Variants in FNDC7 observed in about 807,000 individuals in gnomAD.
The protein encoded by FNDC7 is fibronectin type III domain-containing protein 7.
FNDC7 carries 66 observed loss-of-function variants against 74.2 expected under a neutral mutation model. That is an observed-to-expected ratio of 0.89 (90% CI 0.73 to 1.09). The LOEUF is 1.09. Ranked by LOEUF, FNDC7 falls within the 50% of genes least tolerant of loss-of-function variation. The pLI is 0.00. For missense variants in FNDC7, 829 were observed against 893.4 expected, an observed-to-expected ratio of 0.93 and a Z score of 0.92; for synonymous variants, 307 against 330.2, an observed-to-expected ratio of 0.93 and a Z score of 0.76.
At chr1:108,736,963 C>T (rs200561808) in intron 10 of FNDC7, among the ~76,000 whole-genome samples, 106 of 99,342 alleles carry the variant, frequency 1.1e-3, no homozygotes, top group South Asian at 1.4e-3. Flanking sequence ...GCTTGGCATT[C>T]TTTTTTTTTT....
chr1:108,730,361 C>CAA (rs748626022), intron 8 of FNDC7, among the ~76,000 whole-genome samples: 44,996 of 116,890 alleles, frequency 0.38, 8,012 homozygotes, highest in Non-Finnish European at 0.45. Flanking sequence ...ATCTCCTTCT[C>CAA]AAAAAAAAAA....
Position 108,727,871 on chromosome 1 carries a change from G to C in FNDC7, c.1175G>C (p.Trp392Ser). The C allele has an allele frequency of 6.2e-7, 1 of 1,614,136 alleles. No homozygotes were observed. Among genetic ancestry groups the C allele is most frequent in the Non-Finnish European group, 8.5e-7 (1 of 1,180,040 alleles). ...TCCAGTGACAGAGTTGAGATTGTCT[G>C]GTCTCCTGTCCGTGGTGCCGAACTG... ...LVSSDRVEIV[W>S]SPVRGAELYE... The change falls in exon 7 of 13, where the codon TGG (tryptophan) becomes TCG (serine). Residue 392 changes from tryptophan (W) to serine (S), a missense_variant. Physicochemically the swap from Trp to Ser is radical, Grantham distance 177 (BLOSUM62 -3). Coordinates refer to ENST00000370017, the MANE Select transcript of FNDC7 (RefSeq NM_001144937.3).
In FNDC7 at chr1:108,718,000, C is replaced by T; in HGVS notation, c.306C>T (p.Ser102=). 1.3e-6 allele frequency: 2 copies of T among 1,551,716 alleles called. No homozygotes were observed. The highest frequency in any genetic ancestry group is 1.7e-6 in the Non-Finnish European group (2 of 1,146,998). The change falls in exon 3 of 13, where the codon AGC becomes AGT. Residue 102 remains serine, a synonymous_variant. Transcript: ENST00000370017. Reference sequence around the variant, plus strand: ...GATCCATCAGCGCTGCTGGGAGAAGCCAGGCGTCACCTCCAAAGCAGGCAA... The same window carrying T: ...GATCCATCAGCGCTGCTGGGAGAAGTCAGGCGTCACCTCCAAAGCAGGCAA... ...TIRSISAAGR[S]QASPPKQAKT...
At chr1:108,721,557 T>G (rs1048607832) in intron 4 of FNDC7, among the ~76,000 whole-genome samples, 1 of 152,232 alleles carries the variant, frequency 6.6e-6, no homozygotes, top group African/African-American at 2.4e-5. Context: ...TTAAGCAGTT[T>G]CCTAAGGCCT....
intron 10 of FNDC7, among the ~76,000 whole-genome samples, chr1:108,735,405 C>T (rs1005670548): frequency 5.3e-5 from 8 of 152,172 alleles, no homozygotes; most frequent in African/African-American, 1.9e-4. Context: ...CAAAACTTTT[C>T]CATTTCCCCA....
intron 8 of FNDC7, among the ~76,000 whole-genome samples, chr1:108,729,420 G>A (rs1019175865): frequency 6.6e-6 from 1 of 152,144 alleles, no homozygotes; most frequent in African/African-American, 2.4e-5. Flanking sequence ...GGGGTGGTGG[G>A]CACCTATAGT....
At chr1:108,739,924 G>T (rs547013849) in intron 11 of FNDC7, among the ~76,000 whole-genome samples, 1 of 151,032 alleles carries the variant, frequency 6.6e-6, no homozygotes, top group East Asian at 1.9e-4. Flanking sequence ...CACACCTGTA[G>T]TCCCAACTAT....
At chr1:108,719,478 G>C (rs911765473) in intron 4 of FNDC7, among the ~76,000 whole-genome samples, 1 of 152,208 alleles carries the variant, frequency 6.6e-6, no homozygotes, top group East Asian at 1.9e-4. Flanking sequence ...CATTGTTCTA[G>C]AGATACAGCA....
rs200287222 is a variant in FNDC7 at position 108,728,834 on chromosome 1, C to T, written c.1572C>T (p.Ala524=). Residue 524 remains alanine, a synonymous_variant, in exon 8 of 13, where the codon GCC becomes GCT. Transcript: ENST00000370017. ...CAGTGTTCTCTGTCACTGCTGTGGC[C>T]GAAACACAGGCAGGACGGAGCCTGC... ...CGSVFSVTAV[A]ETQAGRSLPS... 72 of 1,614,164 alleles carry T rather than the reference C, an allele frequency of 4.5e-5. No homozygotes were observed. The Admixed American group carries it at 4.8e-4, about 11-fold the overall frequency.
At chr1:108,741,620 G>A (rs1478300058) in intron 11 of FNDC7, among the ~76,000 whole-genome samples, 153 bp from the exon 12 acceptor site, 39 of 152,188 alleles carry the variant, frequency 2.6e-4, no homozygotes, top group Non-Finnish European at 2.6e-4. Flanking sequence ...CACTTTGTCA[G>A]TTGTCATAGT....
At chr1:108,720,559 C>A (rs2101078930) in intron 4 of FNDC7, among the ~76,000 whole-genome samples, 1 of 152,148 alleles carries the variant, frequency 6.6e-6, no homozygotes, top group East Asian at 1.9e-4. Context: ...CTGCTGGAAC[C>A]ACAAACTGGG....
In FNDC7 at chr1:108,717,953, A is replaced by T. The variant is rs767489778; in HGVS notation, c.259A>T (p.Thr87Ser). ...PGTVTGLKAATWYEITIRSIS... is the reference protein window; with the variant it reads ...PGTVTGLKAASWYEITIRSIS... ...CACTGTGACGGGACTAAAGGCTGCA[A>T]CCTGGTATGAAATCACCATCAGATC... Residue 87 changes from threonine (T) to serine (S), a missense_variant, in exon 3 of 13, where the codon ACC (threonine) becomes TCC (serine). Physicochemically the swap from Thr to Ser is moderately conservative, Grantham distance 58 (BLOSUM62 1). Transcript: ENST00000370017. 1 of 1,551,642 alleles carries T rather than the reference A, an allele frequency of 6.4e-7. No individual in the cohort carries two copies. The highest frequency in any genetic ancestry group is 8.7e-7 in the Non-Finnish European group (1 of 1,147,030).
rs1553191832 is a variant in FNDC7, at chr1:108,713,531, T to C, written c.82+2T>C. On this transcript the variant is annotated splice_donor_variant, in intron 2 of 12. Transcript: ENST00000370017. LOFTEE classifies it high-confidence loss of function. ...TTCAGGTTGCTTCAGCAAAATCAGG[T>C]ACAATTTTCTGACCTGCAAGTTTTT... is the stretch of plus-strand genomic sequence containing the variant. The C allele has an allele frequency of 1.3e-6, 2 of 1,546,376 alleles. No homozygotes were observed. The highest frequency in any genetic ancestry group is 1.7e-6 in the Non-Finnish European group (2 of 1,145,646).
intron 2 of FNDC7, among the ~76,000 whole-genome samples, chr1:108,717,449 TTC>T (rs34988228): frequency 0.56 from 84,349 of 151,768 alleles, 25,490 homozygotes; most frequent in East Asian, 0.81. Context: ...CTCTCAATTA[TTC>T]TCTCTCTCTT....
At position 108,717,931 on chromosome 1, in the gene FNDC7, T is replaced by C. The variant is rs1382005520; in HGVS notation, c.237T>C (p.Thr79=). 7 of 1,551,636 alleles carry C rather than the reference T, an allele frequency of 4.5e-6. No individual in the cohort carries two copies. Among genetic ancestry groups the C allele is most frequent in the Non-Finnish European group, 6.1e-6 (7 of 1,147,016 alleles). The change falls in exon 3 of 13, where the codon ACT becomes ACC. Residue 79 remains threonine (T), a synonymous_variant. Transcript: ENST00000370017. ...IETTVANSPG[T]VTGLKAATWY... is the part of the protein sequence containing the mutation. ...CCACGGTGGCCAATTCCCCAGGCACTGTGACGGGACTAAAGGCTGCAACCT... is the reference window on the plus strand; with the variant it reads ...CCACGGTGGCCAATTCCCCAGGCACCGTGACGGGACTAAAGGCTGCAACCT...
At chr1:108,726,996 C>T (rs942598195) in intron 6 of FNDC7, among the ~76,000 whole-genome samples, 4 of 152,142 alleles carry the variant, frequency 2.6e-5, no homozygotes, top group African/African-American at 9.7e-5. Context: ...CTGAGTCAGA[C>T]ATTTGCCAGT....
At chr1:108,714,568 A>G (rs943569256) in intron 2 of FNDC7, among the ~76,000 whole-genome samples, 29 of 150,100 alleles carry the variant, frequency 1.9e-4, no homozygotes, top group African/African-American at 6.4e-4. Context: ...TAGCCAGGAA[A>G]CTATAGGAGG....
In FNDC7 at chr1:108,733,404, C is replaced by T. The variant is rs1432637744; in HGVS notation, c.2012C>T (p.Thr671Ile). The change falls in exon 10 of 13, where the codon ACC (threonine) becomes ATC (isoleucine). Residue 671 changes from threonine (T) to isoleucine (I), a missense_variant. Transcript: ENST00000370017. ...LYGSKGIFTC[T>I]PSAGLSFCDV... ...GGCTCCAAAGGCATTTTCACGTGCA[C>T]CCCGAGTGCTGGCCTCAGTTTCTGT... The T allele has an allele frequency of 6.8e-6, 11 of 1,614,042 alleles. No homozygotes were observed. The highest frequency in any genetic ancestry group is 9.3e-6 in the Non-Finnish European group (11 of 1,180,044).
chr1:108,725,898 T>G lies in FNDC7; in HGVS notation c.1005T>G (p.Thr335=). The change falls in exon 6 of 13, where the codon ACT becomes ACG. Residue 335 remains threonine (T), a synonymous_variant. Coordinates refer to ENST00000370017, the MANE Select transcript of FNDC7 (RefSeq NM_001144937.3). ...GLEVHCNTSL[T]QCNFLSECGF... ...AAGTACACTGCAACACATCTCTCAC[T>G]CAGTGCAACTTCTTATCTGAGTGTG... 1 of 1,614,162 alleles carries G rather than the reference T, an allele frequency of 6.2e-7. No homozygotes were observed. The highest frequency in any genetic ancestry group is 8.5e-7 in the Non-Finnish European group (1 of 1,180,024).
Sources: gnomAD v4.1 joint callset for allele counts (sites outside exome capture counted in the v4.1 genomes callset) on GRCh38, gnomAD v4.1.1 for gene constraint, MANE v1.5 for transcripts, NCBI Gene and HGNC (gene_info 2026-07-23, HGNC 2026-07-21) for gene names.